The following ESRP1 variants were observed in gnomAD, a reference collection of about 807,000 sequenced individuals.
ESRP1 encodes epithelial splicing regulatory protein 1, also known as RNA-binding motif protein 35A.
A neutral mutation model predicts 81.7 loss-of-function variants in ESRP1; 33 were observed. The observed-to-expected ratio is 0.40, with a 90% CI of 0.31 to 0.54. The LOEUF (loss-of-function observed/expected upper bound fraction) is 0.54, where lower values mean the gene tolerates loss of function less well. Ranked by LOEUF, ESRP1 falls within the 20% of genes least tolerant of loss-of-function variation. ESRP1 has a pLI of 0.41. For synonymous variants in ESRP1, 320 were observed against 303.3 expected, an observed-to-expected ratio of 1.06 and a Z score of -0.57; for missense variants, 672 against 833.1, an observed-to-expected ratio of 0.81 and a Z score of 2.38.
chr8:94,697,990 C>T (rs1809673325), intron 15 of ESRP1, among the ~76,000 whole-genome samples: 1 of 152,052 alleles, frequency 6.6e-6, no homozygotes, highest in African/African-American at 2.4e-5. Flanking sequence ...ACTATGTTGG[C>T]CAGGCTGGTC....
intron 4 of ESRP1, among the ~76,000 whole-genome samples, chr8:94,648,584 A>C (rs114739533): frequency 0.014 from 2,193 of 152,332 alleles, 62 homozygotes; most frequent in African/African-American, 0.05. Flanking sequence ...GCCAATATGG[A>C]AGTGACGCTG....
At chr8:94,699,270 G>A (rs779089526) in intron 15 of ESRP1, among the ~76,000 whole-genome samples, 8 of 152,006 alleles carry the variant, frequency 5.3e-5, no homozygotes, top group Non-Finnish European at 1.2e-4. Flanking sequence ...ATCGGGCGCT[G>A]TGTTCAAATC....
intron 13 of ESRP1, among the ~76,000 whole-genome samples, chr8:94,683,446 A>G (rs1039145439): frequency 7.2e-5 from 11 of 152,232 alleles, no homozygotes; most frequent in African/African-American, 2.6e-4. Context: ...ATTGAGATTC[A>G]CATGCAGTTG....
At chr8:94,667,217 CAA>C (rs67664228) in intron 9 of ESRP1, among the ~76,000 whole-genome samples, 1 of 138,352 alleles carries the variant, frequency 7.2e-6, no homozygotes, top group Admixed American at 7.4e-5. Flanking sequence ...AACTGTGTCT[CAA>C]AAAAAAAACA....
intron 4 of ESRP1, among the ~76,000 whole-genome samples, chr8:94,652,052 A>G (rs904149943): frequency 2.2e-5 from 3 of 134,354 alleles, no homozygotes; most frequent in African/African-American, 8.7e-5. Context: ...GCAGTGCGCA[A>G]TCTTGGTTCA....
chr8:94,664,603 A>T, intron 6 of ESRP1, 94 bp from the exon 7 acceptor site: 1 of 851,008 alleles, frequency 1.2e-6, no homozygotes, highest in Non-Finnish European at 2.0e-6. Context: ...CAAATAATAC[A>T]TCCTGTGTAA....
intron 13 of ESRP1, among the ~76,000 whole-genome samples, chr8:94,685,956 T>G (rs949231826): frequency 6.6e-6 from 1 of 152,210 alleles, no homozygotes; most frequent in Non-Finnish European, 1.5e-5. Flanking sequence ...CTATATATGT[T>G]GTTTTGTTTG....
At chr8:94,667,841 TCTTCA>T in intron 9 of ESRP1, 103 bp from the exon 10 acceptor site, 13 of 900,420 alleles carry the variant, frequency 1.4e-5, no homozygotes, top group Non-Finnish European at 2.2e-5. Flanking sequence ...GGAGTATGGG[TCTTCA>T]TTATGAACTC....
chr8:94,692,094 T>A (rs1809424249), intron 13 of ESRP1, among the ~76,000 whole-genome samples: 1 of 152,188 alleles, frequency 6.6e-6, no homozygotes, highest in South Asian at 2.1e-4. Flanking sequence ...GTGATTGATT[T>A]AATTTTTATG....
At chr8:94,692,618 A>G (rs756026128) in intron 13 of ESRP1, 59 bp from the exon 14 acceptor site, 8 of 1,525,048 alleles carry the variant, frequency 5.2e-6, no homozygotes, top group Admixed American at 1.9e-5. Context: ...TAATGTTTTT[A>G]TAGTAAGTAT....
intron 4 of ESRP1, among the ~76,000 whole-genome samples, chr8:94,647,516 C>T (rs1198111590): frequency 1.3e-5 from 2 of 152,166 alleles, no homozygotes; most frequent in African/African-American, 2.4e-5. Flanking sequence ...GATGGCTCTT[C>T]CTGGCTTGCA....
chr8:94,699,200 C>T (rs1809718189), intron 15 of ESRP1, among the ~76,000 whole-genome samples: 1 of 152,304 alleles, frequency 6.6e-6, no homozygotes, highest in South Asian at 2.1e-4. Flanking sequence ...CGAACCATTA[C>T]TCACCACCTC....
In ESRP1 at chr8:94,682,904, TTATATATA is replaced by T. The variant is rs1170938965; in HGVS notation, c.1820+4555_1820+4562del. Reference sequence around the variant, plus strand: ...TTCATTATTCAATATATTCATTATTTTATATATATATATATATATATATATATATTTTT... The same window carrying T: ...TTCATTATTCAATATATTCATTATTTTATATATATATATATATATATTTTT... On this transcript the variant is annotated intron_variant, in intron 13 of 15. Transcript: ENST00000433389. Among the ~76,000 whole-genome samples the T allele has an allele frequency of 3.6e-3, 108 of 29,848 alleles. 3 individuals carry two copies. The highest frequency in any genetic ancestry group is 0.015 in the African/African-American group (85 of 5,602). The allele number at this position is 29,848 out of a possible 152,430, so 19.6% of individuals were successfully genotyped here.
rs369140603 is a variant in ESRP1, at chr8:94,674,490, G to T, written c.1635G>T (p.Pro545=). ...GTLNRNGLSP[P]PCKLPCLSPP... is the part of the protein sequence containing the mutation. ...TAAATCGAAATGGCTTATCCCCACC[G>T]CCATGTAAGTTACCATGTAAGTTTT... Residue 545 remains proline, a synonymous_variant, in exon 12 of 16, where the codon CCG becomes CCT. Coordinates refer to ENST00000433389, the MANE Select transcript of ESRP1 (RefSeq NM_017697.4). 6.2e-6 allele frequency: 10 copies of T among 1,612,776 alleles called. No homozygotes were observed. The South Asian group carries it at 9.9e-5, about 16-fold the overall frequency.
rs964722854 is a variant in ESRP1 at position 94,692,930 on chromosome 8, G to T, written c.1971+103G>T. Reference sequence around the variant, plus strand: ...GAAACAGATTCTATGAAACTCGTGTGTGTATATATGCTAATGGATTTGCTT... The same window carrying T: ...GAAACAGATTCTATGAAACTCGTGTTTGTATATATGCTAATGGATTTGCTT... On this transcript the variant is annotated intron_variant, in intron 14 of 15. Coordinates refer to ENST00000433389, the MANE Select transcript of ESRP1 (RefSeq NM_017697.4). 22 of 1,251,460 alleles carry T rather than the reference G, an allele frequency of 1.8e-5. No homozygotes were observed. In the African/African-American group the frequency reaches 3.3e-4, roughly 19 times the overall value. 77.5% of individuals were successfully genotyped at this position (1,251,460 alleles called of 1,614,324 possible). A position where few individuals can be genotyped will look rare whatever the true frequency, so the allele number is the denominator to read the frequency against.
chr8:94,647,504 G>A (rs912657412), intron 4 of ESRP1, among the ~76,000 whole-genome samples: 1 of 152,196 alleles, frequency 6.6e-6, no homozygotes, highest in Non-Finnish European at 1.5e-5. Flanking sequence ...TCAGGTTCTG[G>A]TGATGGCTCT....
rs10618511 is a variant in ESRP1, at chr8:94,704,766, G to GAAAAA, written c.*36-1136_*36-1132dup. On this transcript the variant is annotated intron_variant, in intron 15 of 15. Coordinates refer to ENST00000433389, the MANE Select transcript of ESRP1 (RefSeq NM_017697.4). ...ACAATGCAAGGCACCATCTCTTTTT[G>GAAAAA]AAAAAAAAAAAAAAAAAAAAAAAAA... Among the ~76,000 whole-genome samples, 49 of 108,758 alleles carry GAAAAA rather than the reference G, an allele frequency of 4.5e-4. 3 individuals are homozygous for GAAAAA. The highest frequency in any genetic ancestry group is 7.5e-4 in the Non-Finnish European group (41 of 54,686). The allele number at this position is 108,758 out of a possible 152,430, so 71.3% of individuals were successfully genotyped here.
Position 94,671,493 on chromosome 8 carries a change from C to T in ESRP1, c.1274C>T (p.Pro425Leu), listed in dbSNP as rs979023477. The change falls in exon 11 of 16, where the codon CCA (proline) becomes CTA (leucine). Residue 425 changes from proline to leucine, a missense_variant. Pro to Leu is a moderately conservative substitution (Grantham distance 98). Transcript: ENST00000433389. ...RFSSAPLIPL[P>L]TPPIIPVLPQ... Reference sequence around the variant, plus strand: ...TCCTCGGCCCCTCTCATTCCACTTCCAACCCCTCCCATTATTCCAGTACTA... The same window carrying T: ...TCCTCGGCCCCTCTCATTCCACTTCTAACCCCTCCCATTATTCCAGTACTA... The T allele has an allele frequency of 6.2e-7, 1 of 1,613,708 alleles. No homozygotes were observed. The highest frequency in any genetic ancestry group is 1.3e-5 in the African/African-American group (1 of 74,908).
At chr8:94,646,459 A>G in intron 4 of ESRP1, 177 bp downstream of exon 4, 1 of 492,194 alleles carries the variant, frequency 2.0e-6, no homozygotes, top group South Asian at 2.8e-5. Flanking sequence ...GAAAGTGGTT[A>G]TAATTAATCA....
Sources: gnomAD v4.1 joint callset for allele counts (sites outside exome capture counted in the v4.1 genomes callset) on GRCh38, gnomAD v4.1.1 for gene constraint, MANE v1.5 for transcripts, NCBI Gene and HGNC (gene_info 2026-07-23, HGNC 2026-07-21) for gene names.